The following FBXO2 variants were observed in gnomAD, a reference collection of about 807,000 sequenced individuals.
The protein encoded by FBXO2 is F-box protein 2, also known as F-box only protein 2.
In FBXO2, 32 loss-of-function variants were observed where a neutral mutation model predicts 38.6. That is an observed-to-expected ratio of 0.83 (90% CI 0.62 to 1.11). FBXO2 has a LOEUF of 1.11. FBXO2 is among the 50% of genes most tolerant of loss of function. The pLI, the probability that FBXO2 is intolerant of heterozygous loss-of-function variation, is 0.00. For synonymous variants in FBXO2, 189 were observed against 182.9 expected (o/e 1.03, Z -0.27); for missense variants, 450 against 418.3 (o/e 1.08, Z -0.66).
Position 11,654,399 on chromosome 1 carries a change from G to A in FBXO2, c.-59C>T. 6 of 1,334,078 alleles carry A rather than the reference G, an allele frequency of 4.5e-6. No individual in the cohort carries two copies. Among genetic ancestry groups the A allele is most frequent in the Non-Finnish European group, 5.7e-6 (6 of 1,044,264 alleles). 82.6% of individuals were successfully genotyped at this position (1,334,078 alleles called of 1,614,324 possible). A position where few individuals can be genotyped will look rare whatever the true frequency, so the allele number is the denominator to read the frequency against. ...GAGCGCTGCGGGCTGCGCGAGTCCCGGGGCGGCGAGTCCCGGCGCTGTCCG... is the reference window on the plus strand; with the variant it reads ...GAGCGCTGCGGGCTGCGCGAGTCCCAGGGCGGCGAGTCCCGGCGCTGTCCG... On this transcript the variant is annotated 5_prime_UTR_variant, in exon 1 of 6. Transcript: ENST00000354287.
chr1:11,649,000 G>GCCCAGCCCAC lies in FBXO2; in HGVS notation c.756+86_756+87insGTGGGCTGGG. ...GCCCAGCCCAGCCCAGCCCACCCCA[G>GCCCAGCCCAC]CCCAGGAGCGCTGTGGGCGGGGTCT... On this transcript the variant is annotated intron_variant, in intron 5 of 5. Transcript: ENST00000354287. This position sits in a 1 kb window ranked among gnomAD's most constrained non-coding sequence, Gnocchi z 4.2. 1 of 1,366,232 alleles carries GCCCAGCCCAC rather than the reference G, an allele frequency of 7.3e-7. No homozygotes were observed. The highest frequency in any genetic ancestry group is 1.0e-6 in the Non-Finnish European group (1 of 994,358). 84.6% of individuals were successfully genotyped at this position (1,366,232 alleles called of 1,614,324 possible).
intron 1 of FBXO2, among the ~76,000 whole-genome samples, chr1:11,652,759 G>A (rs115889157): frequency 1.6e-3 from 238 of 152,294 alleles, no homozygotes; most frequent in African/African-American, 5.5e-3. Flanking sequence ...CACTGGGGAA[G>A]GGGACAGGTG....
rs766662663 is a variant in FBXO2, at chr1:11,650,543, T to C, written c.314A>G (p.Glu105Gly). The C allele has an allele frequency of 5.6e-6, 9 of 1,600,318 alleles. No homozygotes were observed. The African/African-American group carries it at 1.2e-4, about 21-fold the overall frequency. The change falls in exon 2 of 6, where the codon GAG (glutamate) becomes GGG (glycine). Residue 105 changes from glutamate (E) to glycine (G), a missense_variant. Transcript: ENST00000354287. ...EGLVPEGGVEEERDHWQQFYF... is the reference protein window; with the variant it reads ...EGLVPEGGVEGERDHWQQFYF... ...GAACTGCTGCCAGTGGTCGCGCTCC[T>C]CCTCCACGCCGCCCTCGGGCACCAG...
At chr1:11,653,956 G>C in intron 1 of FBXO2, 1 of 236,188 alleles carries the variant, frequency 4.2e-6, no homozygotes, top group Middle Eastern at 1.3e-3. Flanking sequence ...CCAAGGCCCA[G>C]AGCTGGAAGA....
Position 11,654,401 on chromosome 1 carries a change from G to GGCGGCGAGTCCCGGC in FBXO2, c.-76_-62dup. The GGCGGCGAGTCCCGGC allele has an allele frequency of 1.5e-6, 2 of 1,333,906 alleles. No homozygotes were observed. Among genetic ancestry groups the GGCGGCGAGTCCCGGC allele is most frequent in the Non-Finnish European group, 9.6e-7 (1 of 1,044,018 alleles). 82.6% of individuals were successfully genotyped at this position (1,333,906 alleles called of 1,614,324 possible). On this transcript the variant is annotated 5_prime_UTR_variant, in exon 1 of 6. Transcript: ENST00000354287. ...GCGCTGCGGGCTGCGCGAGTCCCGG[G>GGCGGCGAGTCCCGGC]GCGGCGAGTCCCGGCGCTGTCCGCG...
rs1639515042 is a variant in FBXO2 at position 11,651,177 on chromosome 1, C to T, written c.23-343G>A. 2.6e-5 allele frequency among the ~76,000 whole-genome samples: 4 copies of T among 152,332 alleles called. No homozygotes were observed. The South Asian group carries it at 8.3e-4, about 32-fold the overall frequency. ...TGCTTCACACAGGAACTTCTTTCTT[C>T]CTCCCAACCACCCTCTGAGATTCCT... is the stretch of plus-strand genomic sequence containing the variant. On this transcript the variant is annotated intron_variant, in intron 1 of 5. Transcript: ENST00000354287.
chr1:11,653,127 C>A (rs933824543), intron 1 of FBXO2, among the ~76,000 whole-genome samples: 1 of 152,168 alleles, frequency 6.6e-6, no homozygotes, highest in African/African-American at 2.4e-5. Context: ...AGGCAGATGC[C>A]CACAGCTCTC....
rs759584337 is a variant in FBXO2 at position 11,649,866 on chromosome 1, C to G, written c.530G>C (p.Arg177Pro). 5 of 1,613,934 alleles carry G rather than the reference C, an allele frequency of 3.1e-6. No individual in the cohort carries two copies. The highest frequency in any genetic ancestry group is 1.3e-5 in the African/African-American group (1 of 74,944). Reference sequence around the variant, plus strand: ...CTGCAGGTCAATGACCTGTGCTTTGCGACACCACCTGGGAGAACTGGAGTT... The same window carrying G: ...CTGCAGGTCAATGACCTGTGCTTTGGGACACCACCTGGGAGAACTGGAGTT... ...KYFASSFEWC[R>P]KAQVIDLQAE... The change falls in exon 4 of 6, where the codon CGC (arginine) becomes CCC (proline). Residue 177 changes from arginine to proline, a missense_variant. Physicochemically the swap from Arg to Pro is moderately radical, Grantham distance 103. Transcript: ENST00000354287.
rs1639505157 is a variant in FBXO2 at position 11,650,722 on chromosome 1, C to CGCT, written c.134_135insAGC (p.Ala45dup). 1 of 1,526,264 alleles carries CGCT rather than the reference C, an allele frequency of 6.6e-7. No individual in the cohort carries two copies. The highest frequency in any genetic ancestry group is 2.5e-5 in the East Asian group (1 of 39,970). 94.5% of individuals were successfully genotyped at this position (1,526,264 alleles called of 1,614,324 possible). On this transcript the variant is annotated inframe_insertion, in exon 2 of 6. Transcript: ENST00000354287. Reference sequence around the variant, plus strand: ...GCGGCTCGGGCAGCTCGTCCAGGTACGCGGCGGCGGCCGCCGCCTCCTCCT... The same window carrying CGCT: ...GCGGCTCGGGCAGCTCGTCCAGGTACGCTGCGGCGGCGGCCGCCGCCTCCTCCT...
intron 1 of FBXO2, among the ~76,000 whole-genome samples, chr1:11,652,991 A>T (rs1639555326): frequency 1.3e-5 from 2 of 152,178 alleles, no homozygotes; most frequent in African/African-American, 4.8e-5. Context: ...GTGGGGATTT[A>T]CACCGGCCCC....
intron 1 of FBXO2, chr1:11,653,326 A>T (rs1340477340): frequency 6.6e-6 from 1 of 152,076 alleles, no homozygotes; most frequent in Non-Finnish European, 1.5e-5. Context: ...AACTCCCCAC[A>T]TTGTTGCCGG....
In FBXO2 at chr1:11,653,844, C is replaced by G. The variant is rs74054206; in HGVS notation, c.22+475G>C. 9.1e-3 allele frequency among the ~76,000 whole-genome samples: 1,391 copies of G among 152,302 alleles called. 30 individuals are homozygous for G. The highest frequency in any genetic ancestry group is 0.032 in the African/African-American group (1,321 of 41,560). Reference sequence around the variant, plus strand: ...GGTCCCCACTGGGCATCTCACCACCCCGGGGAGGGGCAGCCCCTCCAGACA... The same window carrying G: ...GGTCCCCACTGGGCATCTCACCACCGCGGGGAGGGGCAGCCCCTCCAGACA... On this transcript the variant is annotated intron_variant, in intron 1 of 5. Coordinates refer to ENST00000354287, the MANE Select transcript of FBXO2 (RefSeq NM_012168.6).
intron 1 of FBXO2, among the ~76,000 whole-genome samples, chr1:11,652,117 C>G (rs1402069953): frequency 6.6e-6 from 1 of 152,232 alleles, no homozygotes; most frequent in African/African-American, 2.4e-5. Flanking sequence ...TCATGCTCCA[C>G]TACACCCAGG....
chr1:11,650,487 G>A lies in FBXO2; in HGVS notation c.370C>T (p.Leu124=). The A allele has an allele frequency of 1.2e-6, 2 of 1,609,390 alleles. No individual in the cohort carries two copies. Among genetic ancestry groups the A allele is most frequent in the Non-Finnish European group, 1.7e-6 (2 of 1,178,640 alleles). ...TCACCTTCCCCACACGGGTTACGCA[G>A]AAGGTTGCGGCGCCGCTTGCTCAGG... ...YFLSKRRRNL[L]RNPCGEEDLE... The change falls in exon 2 of 6, where the codon CTG becomes TTG. Residue 124 remains leucine, a synonymous_variant. Coordinates refer to ENST00000354287, the MANE Select transcript of FBXO2 (RefSeq NM_012168.6).
At chr1:11,653,841 ACCC>A (rs1639594182) in intron 1 of FBXO2, among the ~76,000 whole-genome samples, 1 of 151,752 alleles carries the variant, frequency 6.6e-6, no homozygotes, top group Non-Finnish European at 1.5e-5. Context: ...GCATCTCACC[ACCC>A]CGGGGAGGGG....
In FBXO2 at chr1:11,650,606, C is replaced by T. The variant is rs771769909; in HGVS notation, c.251G>A (p.Gly84Asp). ...VCLRWKELVD[G>D]APLWLLKCQQ... ...GCACTTGAGCAGCCACAGCGGGGCGCCGTCCACCAGCTCCTTCCAGCGCAG... is the reference window on the plus strand; with the variant it reads ...GCACTTGAGCAGCCACAGCGGGGCGTCGTCCACCAGCTCCTTCCAGCGCAG... Residue 84 changes from glycine (G) to aspartate (D), a missense_variant, in exon 2 of 6, where the codon GGC becomes GAC. Gly to Asp is a moderately conservative substitution (Grantham distance 94). Coordinates refer to ENST00000354287, the MANE Select transcript of FBXO2 (RefSeq NM_012168.6). 3.8e-6 allele frequency: 6 copies of T among 1,590,108 alleles called. No homozygotes were observed. In the East Asian group the frequency reaches 9.1e-5, roughly 24 times the overall value.
intron 4 of FBXO2, chr1:11,649,566 A>G (rs1043886893): frequency 3.3e-6 from 2 of 597,798 alleles, no homozygotes; most frequent in South Asian, 2.0e-5. Context: ...ATATGTGCAT[A>G]TATTTGCCAA....
In FBXO2 at chr1:11,649,243, G is replaced by A; in HGVS notation, c.618-18C>T. ...CCGAGTACCTGCTCAGAGGGAGGGAGCGAGGTGGGGGGCGGGAGGTGGGGT... is the reference window on the plus strand; with the variant it reads ...CCGAGTACCTGCTCAGAGGGAGGGAACGAGGTGGGGGGCGGGAGGTGGGGT... On this transcript the variant is annotated intron_variant, in intron 4 of 5. Transcript: ENST00000354287. 1.3e-6 allele frequency: 2 copies of A among 1,511,964 alleles called. No homozygotes were observed. The highest frequency in any genetic ancestry group is 1.8e-6 in the Non-Finnish European group (2 of 1,124,774). 93.7% of individuals were successfully genotyped at this position (1,511,964 alleles called of 1,614,324 possible). A position where few individuals can be genotyped will look rare whatever the true frequency, so the allele number is the denominator to read the frequency against.
intron 2 of FBXO2, among the ~76,000 whole-genome samples, 153 bp downstream of exon 2, chr1:11,650,313 G>A (rs944509119): frequency 6.6e-6 from 1 of 152,216 alleles, no homozygotes; most frequent in Non-Finnish European, 1.5e-5. Flanking sequence ...GGCACAGGTG[G>A]CCAGAGAGCT....
Sources: gnomAD v4.1 joint callset for allele counts (sites outside exome capture counted in the v4.1 genomes callset) on GRCh38, gnomAD v4.1.1 for gene constraint, Gnocchi (gnomAD v3.1) non-coding constraint, MANE v1.5 for transcripts, NCBI Gene and HGNC (gene_info 2026-07-23, HGNC 2026-07-21) for gene names.